Variants in NALF1 observed in about 807,000 individuals in gnomAD.
NALF1 encodes the protein family with sequence similarity 155 member A.
In NALF1, 3 loss-of-function variants were observed where a neutral mutation model predicts 48.4. The ratio of observed to expected loss-of-function variants is 0.06; its 90% CI spans 0.03 to 0.16. The LOEUF is 0.16. Ranked by LOEUF, NALF1 falls within the 10% of genes least tolerant of loss-of-function variation. The pLI, the probability that NALF1 is intolerant of heterozygous loss-of-function variation, is 1.00. For synonymous variants in NALF1, 262 were observed against 245.7 expected, an observed-to-expected ratio of 1.07 and a Z score of -0.62; for missense variants, 526 against 571.5, an observed-to-expected ratio of 0.92 and a Z score of 0.81.
chr13:107,702,413 C>T (rs1881844879), intron 1 of NALF1, among the ~76,000 whole-genome samples: 1 of 152,008 alleles, frequency 6.6e-6, no homozygotes, highest in Non-Finnish European at 1.5e-5. Flanking sequence ...TTAGATGTTT[C>T]TCTTGTATTT....
At chr13:107,729,193 TA>T (rs998438732) in intron 1 of NALF1, among the ~76,000 whole-genome samples, 18 of 152,240 alleles carry the variant, frequency 1.2e-4, no homozygotes, top group African/African-American at 4.1e-4. Flanking sequence ...AAAAAATGTA[TA>T]AAAATATACT....
rs1247159207 is a variant in NALF1, at chr13:107,523,509, C to T, written c.916-312754G>A. 2.7e-5 allele frequency among the ~76,000 whole-genome samples: 4 copies of T among 146,658 alleles called. No homozygotes were observed. In the East Asian group the frequency reaches 6.1e-4, roughly 23 times the overall value. ...TTAGCATTAGGTATATCTCCTAATG[C>T]TATCCTTCCCCCCTCCCCCCACCCC... On this transcript the variant is annotated intron_variant, in intron 1 of 2. Transcript: ENST00000375915.
chr13:107,638,595 T>C (rs549052315), intron 1 of NALF1, among the ~76,000 whole-genome samples: 65 of 152,150 alleles, frequency 4.3e-4, no homozygotes, highest in African/African-American at 1.5e-3. Context: ...ATAAGACAGT[T>C]TCAGAGAGTG....
intron 1 of NALF1, among the ~76,000 whole-genome samples, chr13:107,798,520 AT>A (rs1878502801): frequency 6.6e-6 from 1 of 152,048 alleles, no homozygotes; most frequent in African/African-American, 2.4e-5. Flanking sequence ...TTCTTTCCCT[AT>A]CATCTTATAT....
chr13:107,568,105 G>A (rs1448462588), intron 1 of NALF1, among the ~76,000 whole-genome samples: 5 of 152,156 alleles, frequency 3.3e-5, no homozygotes, highest in Non-Finnish European at 7.3e-5. Context: ...AGCCTCCGGA[G>A]TAGCTGGCAC....
At chr13:107,193,244 C>T (rs1879319652) in intron 2 of NALF1, among the ~76,000 whole-genome samples, 1 of 151,970 alleles carries the variant, frequency 6.6e-6, no homozygotes, top group Non-Finnish European at 1.5e-5. Flanking sequence ...TATGACTTTG[C>T]AGAAAGAATG....
At chr13:107,782,603 G>A (rs1251261612) in intron 1 of NALF1, among the ~76,000 whole-genome samples, 1 of 151,208 alleles carries the variant, frequency 6.6e-6, no homozygotes, top group African/African-American at 2.4e-5. Flanking sequence ...CATCTAGGAA[G>A]TGAGGAGCGC....
chr13:107,241,340 C>T (rs951218548), intron 1 of NALF1, among the ~76,000 whole-genome samples: 1 of 152,086 alleles, frequency 6.6e-6, no homozygotes, highest in Middle Eastern at 3.2e-3. Flanking sequence ...CCTCGCCGAG[C>T]ACCACACAGT....
intron 1 of NALF1, among the ~76,000 whole-genome samples, chr13:107,428,241 G>A: frequency 6.6e-6 from 1 of 152,130 alleles, no homozygotes. Flanking sequence ...TGAGGTCAGG[G>A]ATATTATTGT....
intron 1 of NALF1, among the ~76,000 whole-genome samples, chr13:107,578,645 G>T (rs1422937802): frequency 6.6e-6 from 1 of 152,006 alleles, no homozygotes; most frequent in Admixed American, 6.6e-5. Context: ...CTAGATTGTT[G>T]TATCATTGTG....
chr13:107,338,081 ATTGGGATGTTTC>A (rs1882593643), intron 1 of NALF1, among the ~76,000 whole-genome samples: 1 of 152,192 alleles, frequency 6.6e-6, no homozygotes, highest in African/African-American at 2.4e-5. Context: ...CATCTCCAAA[ATTGGGATGTTTC>A]TTCGTGATGA....
intron 1 of NALF1, among the ~76,000 whole-genome samples, chr13:107,598,799 T>C (rs559556232): frequency 1.1e-4 from 16 of 152,264 alleles, no homozygotes; most frequent in African/African-American, 3.4e-4. Flanking sequence ...CCACCTTACC[T>C]GAGGCAGTGG....
chr13:107,325,855 C>CACAT (rs1331741745), intron 1 of NALF1, among the ~76,000 whole-genome samples: 10 of 54,054 alleles, frequency 1.8e-4, no homozygotes, highest in Non-Finnish European at 3.3e-4. Flanking sequence ...CACACACACA[C>CACAT]ATATATATAT....
At position 107,258,959 on chromosome 13, in the gene NALF1, G is replaced by A. The variant is rs538422661; in HGVS notation, c.916-48204C>T. On this transcript the variant is annotated intron_variant, in intron 1 of 2. Transcript: ENST00000375915. ...CCCTATGACAGGCGTGAGCCACTGC[G>A]CCCTGCCCAGGTATTTCTTTATAGC... 2.3e-4 allele frequency among the ~76,000 whole-genome samples: 35 copies of A among 152,194 alleles called. 1 individual carries two copies. The highest frequency in any genetic ancestry group is 2.1e-3 in the Admixed American group (32 of 15,296).
At chr13:107,229,518 G>A (rs556982239) in intron 1 of NALF1, among the ~76,000 whole-genome samples, 21 of 152,216 alleles carry the variant, frequency 1.4e-4, no homozygotes, top group South Asian at 8.3e-4. Flanking sequence ...GGACGCCTTC[G>A]GCTCAGCTGC....
At chr13:107,228,940 T>C (rs1436388153) in intron 1 of NALF1, among the ~76,000 whole-genome samples, 4 of 151,976 alleles carry the variant, frequency 2.6e-5, no homozygotes, top group Admixed American at 6.6e-5. Flanking sequence ...TACCTCTTGA[T>C]TGATGATGCT....
At chr13:107,271,794 A>T (rs1355932057) in intron 1 of NALF1, among the ~76,000 whole-genome samples, 6 of 132,902 alleles carry the variant, frequency 4.5e-5, no homozygotes, top group African/African-American at 1.8e-4. Context: ...ATATATATAT[A>T]TATATATATA....
intron 1 of NALF1, among the ~76,000 whole-genome samples, chr13:107,651,172 T>C (rs950364449): frequency 2.6e-5 from 4 of 152,238 alleles, no homozygotes; most frequent in Non-Finnish European, 4.4e-5. Context: ...CTGCTTCATA[T>C]GTGGAGAGAG....
chr13:107,698,573 G>A (rs1360852839), intron 1 of NALF1, among the ~76,000 whole-genome samples: 1 of 151,944 alleles, frequency 6.6e-6, no homozygotes, highest in African/African-American at 2.4e-5. Flanking sequence ...TATATTTCCA[G>A]TATATGCTCT....
Sources: allele counts gnomAD v4.1 joint callset (sites outside exome capture counted in the v4.1 genomes callset), GRCh38; gene constraint gnomAD v4.1.1; transcripts MANE v1.5; gene names NCBI Gene and HGNC (gene_info 2026-07-23, HGNC 2026-07-21).